Variants in EDARADD observed in about 807,000 individuals in gnomAD.
EDARADD encodes the protein EDAR associated via death domain, also known as ectodysplasin-A receptor-associated adapter protein.
In EDARADD, 20 loss-of-function variants were observed where a neutral mutation model predicts 25.6. The observed-to-expected ratio is 0.78, with a 90% confidence interval of 0.55 to 1.14. The LOEUF is 1.14. EDARADD is among the 50% of genes most tolerant of loss of function. The pLI is 0.00. For synonymous variants in EDARADD, 86 were observed against 94.4 expected (o/e 0.91, Z 0.52); for missense variants, 225 against 270.1 (o/e 0.83, Z 1.17).
At chr1:236,378,099 C>G (rs1319191405) in intron 3 of EDARADD, among the ~76,000 whole-genome samples, 1 of 152,106 alleles carries the variant, frequency 6.6e-6, no homozygotes, top group East Asian at 1.9e-4. Flanking sequence ...GTTTCTCAGT[C>G]CCACCCACCC....
At chr1:236,421,966 A>G (rs1191484065) in intron 3 of EDARADD, among the ~76,000 whole-genome samples, 1 of 152,170 alleles carries the variant, frequency 6.6e-6, no homozygotes, top group South Asian at 2.1e-4. Flanking sequence ...ACCAGGAGGG[A>G]GAGGGCCACA....
chr1:236,441,544 G>C (rs894291463), intron 4 of EDARADD, among the ~76,000 whole-genome samples: 13 of 147,216 alleles, frequency 8.8e-5, no homozygotes, highest in African/African-American at 3.0e-4. Context: ...TATTTTTTGA[G>C]ATGGAGTCTC....
chr1:236,362,998 A>ATATATATATATATATATATAT (rs1667068565), intron 3 of EDARADD, among the ~76,000 whole-genome samples: 1 of 58,132 alleles, frequency 1.7e-5, no homozygotes, highest in South Asian at 6.4e-4. Flanking sequence ...AAAAAAAAAA[A>ATATATATATATATATATATAT]AAAAAAAAAT....
At position 236,395,278 on chromosome 1, in the gene EDARADD, C is replaced by A; in HGVS notation, c.61+773C>A. The A allele has an allele frequency of 9.7e-7, 1 of 1,035,636 alleles. No individual in the cohort carries two copies. The highest frequency in any genetic ancestry group is 1.2e-6 in the Non-Finnish European group (1 of 816,958). 64.2% of individuals were successfully genotyped at this position (1,035,636 alleles called of 1,614,324 possible). A position where few individuals can be genotyped will look rare whatever the true frequency, so the allele number is the denominator to read the frequency against. ...AGGGGGACGTGGGTACCGGGCAGGA[C>A]GCGCGCTCTGGGCGCTGGGGACGCC... On this transcript the variant is annotated intron_variant, in intron 1 of 5. Transcript: ENST00000334232. The surrounding 1 kb of genome is among the most constrained non-coding windows in gnomAD (Gnocchi z 6.9).
In EDARADD at chr1:236,411,550, T is replaced by C. The variant is rs556074045; in HGVS notation, c.120+2276T>C. Reference sequence around the variant, plus strand: ...TCTTCTTCTTCCTCTTCTTCTTCTTTTTTTTTTTTGAGATGGGGTTTCACT... The same window carrying C: ...TCTTCTTCTTCCTCTTCTTCTTCTTCTTTTTTTTTGAGATGGGGTTTCACT... On this transcript the variant is annotated intron_variant, in intron 2 of 5. Transcript: ENST00000334232. 7.6e-3 allele frequency among the ~76,000 whole-genome samples: 1,147 copies of C among 150,666 alleles called. 12 individuals are homozygous for C. Among genetic ancestry groups the C allele is most frequent in the African/African-American group, 0.027 (1,089 of 41,004 alleles).
upstream of EDARADD, among the ~76,000 whole-genome samples, chr1:236,393,000 G>T (rs1032586766): frequency 1.5e-4 from 23 of 152,070 alleles, no homozygotes; most frequent in Non-Finnish European, 1.3e-4. Context: ...GCATAGGCTG[G>T]TCTTGAACTC....
chr1:236,404,568 C>G (rs1400231691), intron 1 of EDARADD, among the ~76,000 whole-genome samples: 2 of 152,160 alleles, frequency 1.3e-5, no homozygotes, highest in Non-Finnish European at 2.9e-5. Context: ...GAACCGCAAT[C>G]AGAAAAATCA....
chr1:236,362,650 T>C (rs893909418), intron 3 of EDARADD, among the ~76,000 whole-genome samples: 12 of 152,160 alleles, frequency 7.9e-5, no homozygotes, highest in Non-Finnish European at 1.8e-4. Context: ...GGTTTTCTCC[T>C]TTGCTTCTTC....
At chr1:236,404,913 G>A (rs1667679265) in intron 1 of EDARADD, among the ~76,000 whole-genome samples, 2 of 152,070 alleles carry the variant, frequency 1.3e-5, no homozygotes, top group Admixed American at 1.3e-4. Context: ...GTCCAACATG[G>A]GGAAACCCCA....
At chr1:236,372,914 A>ATTTTTTT (rs34634477) in intron 3 of EDARADD, among the ~76,000 whole-genome samples, 2 of 113,610 alleles carry the variant, frequency 1.8e-5, no homozygotes, top group Non-Finnish European at 1.7e-5. Flanking sequence ...CTCTTCTTAC[A>ATTTTTTT]TTTTTTTTTT....
At chr1:236,460,176 CT>C (rs1380356594) in intron 4 of EDARADD, among the ~76,000 whole-genome samples, 3 of 146,940 alleles carry the variant, frequency 2.0e-5, no homozygotes, top group East Asian at 1.9e-4. Context: ...TACATTTCTT[CT>C]TTTTCTTTTC....
intron 3 of EDARADD, among the ~76,000 whole-genome samples, chr1:236,416,817 T>C (rs1657650575): frequency 6.6e-6 from 1 of 152,178 alleles, no homozygotes; most frequent in Admixed American, 6.5e-5. Flanking sequence ...ATGTCACTAG[T>C]GGGACCAATA....
intron 4 of EDARADD, among the ~76,000 whole-genome samples, chr1:236,455,194 A>C (rs1658825453): frequency 6.9e-6 from 1 of 144,784 alleles, no homozygotes; most frequent in Non-Finnish European, 1.5e-5. Context: ...TGGGTGACAG[A>C]GCAAGGCTCT....
intron 3 of EDARADD, among the ~76,000 whole-genome samples, chr1:236,385,462 G>A (rs1484587287): frequency 1.4e-5 from 2 of 142,492 alleles, no homozygotes; most frequent in East Asian, 2.1e-4. Flanking sequence ...AGTGGCTCAC[G>A]CCTGTAATCC....
At position 236,445,508 on chromosome 1, in the gene EDARADD, G is replaced by A. The variant is rs371584146; in HGVS notation, c.219+18058G>A. Among the ~76,000 whole-genome samples the A allele has an allele frequency of 1.6e-4, 25 of 152,170 alleles. No individual in the cohort carries two copies. The East Asian group carries it at 2.3e-3, about 14-fold the overall frequency. On this transcript the variant is annotated intron_variant, in intron 4 of 5. Transcript: ENST00000334232. Reference sequence around the variant, plus strand: ...CTCCCAAAGTGCTGGGATTACAGGCGTGAGCCACCGCACCCAGCCCATAAT... The same window carrying A: ...CTCCCAAAGTGCTGGGATTACAGGCATGAGCCACCGCACCCAGCCCATAAT...
At chr1:236,452,987 C>T (rs565240709) in intron 4 of EDARADD, among the ~76,000 whole-genome samples, 26 of 152,310 alleles carry the variant, frequency 1.7e-4, no homozygotes, top group South Asian at 1.4e-3. Flanking sequence ...GTGAATGTCA[C>T]GATGTGAGTA....
chr1:236,467,908 C>T (rs1659258915), intron 4 of EDARADD, among the ~76,000 whole-genome samples: 1 of 152,160 alleles, frequency 6.6e-6, no homozygotes, highest in African/African-American at 2.4e-5. Context: ...CAGGCACGAA[C>T]TATGGTGCCC....
At chr1:236,431,278 C>G (rs1658088915) in intron 4 of EDARADD, among the ~76,000 whole-genome samples, 1 of 152,100 alleles carries the variant, frequency 6.6e-6, no homozygotes, top group Admixed American at 6.6e-5. Context: ...GGAAAAACAT[C>G]ATAGTGTCCT....
At chr1:236,422,825 G>C (rs1471503404) in intron 3 of EDARADD, among the ~76,000 whole-genome samples, 2 of 152,172 alleles carry the variant, frequency 1.3e-5, no homozygotes, top group Non-Finnish European at 2.9e-5. Context: ...GCTCCATCCT[G>C]TATCAAGGAG....
Sources: allele counts gnomAD v4.1 joint callset (sites outside exome capture counted in the v4.1 genomes callset), GRCh38; gene constraint gnomAD v4.1.1; non-coding constraint Gnocchi (gnomAD v3.1); transcripts MANE v1.5; gene names NCBI Gene and HGNC (gene_info 2026-07-23, HGNC 2026-07-21).